HECTD2: variants seen among roughly 807,000 people sequenced by gnomAD.
The protein encoded by HECTD2 is probable E3 ubiquitin-protein ligase HECTD2.
A neutral mutation model predicts 103.2 loss-of-function variants in HECTD2; 35 were observed. That is an observed-to-expected ratio of 0.34 (90% CI 0.26 to 0.45). HECTD2 has a LOEUF of 0.45. HECTD2 is among the 20% of genes least tolerant of loss of function. The probability of loss-of-function intolerance (pLI) is 1.00; values close to 1 mark genes in which losing one functional copy is unlikely to be tolerated. For missense variants in HECTD2, 596 were observed against 937.4 expected (o/e 0.64, Z 4.76); for synonymous variants, 281 against 329.9 (o/e 0.85, Z 1.61).
rs138808828 is a variant in HECTD2 at position 91,482,987 on chromosome 10, A to G, written c.732A>G (p.Thr244=). 69 of 1,541,324 alleles carry G rather than the reference A, an allele frequency of 4.5e-5. No individual in the cohort carries two copies. Among genetic ancestry groups the G allele is most frequent in the Middle Eastern group, 3.4e-4 (2 of 5,924 alleles). The change falls in exon 8 of 21, where the codon ACA becomes ACG. Residue 244 remains threonine (T), a synonymous_variant. Coordinates refer to ENST00000298068, the MANE Select transcript of HECTD2 (RefSeq NM_182765.6). ...TTCAGAATCCTCAGTTTAATAACAC[A>G]TCTACGTATGTCATCTATGCTCACT... ...ILLQNPQFNN[T]STYVIYAHLL...
At chr10:91,474,032 A>G (rs1205343779) in intron 5 of HECTD2, among the ~76,000 whole-genome samples, 2 of 152,218 alleles carry the variant, frequency 1.3e-5, no homozygotes, top group East Asian at 1.9e-4. Context: ...AGATGGGAGA[A>G]TAACAACACA....
chr10:91,481,178 G>C (rs1846075132), intron 7 of HECTD2, 39 bp downstream of exon 7: 2 of 1,053,352 alleles, frequency 1.9e-6, no homozygotes. Context: ...GTCTAAGTCA[G>C]ATCTCAATCC....
chr10:91,496,183 T>TATG, intron 14 of HECTD2, 31 bp from the exon 15 acceptor site: 1 of 1,517,806 alleles, frequency 6.6e-7, no homozygotes, highest in African/African-American at 1.4e-5. Context: ...TCATGGATTT[T>TATG]ATGTTAATGC....
chr10:91,430,553 C>T (rs1843811170), intron 2 of HECTD2, among the ~76,000 whole-genome samples: 1 of 152,148 alleles, frequency 6.6e-6, no homozygotes, highest in South Asian at 2.1e-4. Context: ...TTTTATGAAT[C>T]TGGGTGCTCC....
chr10:91,409,713 C>G (rs1053608905), upstream of HECTD2, among the ~76,000 whole-genome samples: 5 of 152,174 alleles, frequency 3.3e-5, no homozygotes, highest in African/African-American at 1.2e-4. Flanking sequence ...GGTTGCTGAG[C>G]CAGGAAGGCT....
At chr10:91,416,336 T>A (rs1297113923) in intron 1 of HECTD2, among the ~76,000 whole-genome samples, 1 of 152,212 alleles carries the variant, frequency 6.6e-6, no homozygotes, top group Non-Finnish European at 1.5e-5. Flanking sequence ...GCACTCAGTG[T>A]TAGATGAGAT....
intron 2 of HECTD2, among the ~76,000 whole-genome samples, chr10:91,429,346 G>T (rs1211731558): frequency 1.3e-5 from 2 of 151,856 alleles, no homozygotes; most frequent in Non-Finnish European, 2.9e-5. Context: ...TCTCCTTTTT[G>T]GTTGTGTCTC....
chr10:91,487,911 AC>A lies in HECTD2; in HGVS notation c.1191+136del. 1.8e-6 allele frequency: 1 copy of A among 540,608 alleles called. No homozygotes were observed. Among genetic ancestry groups the A allele is most frequent in the Non-Finnish European group, 3.2e-6 (1 of 310,696 alleles). 33.5% of individuals were successfully genotyped at this position (540,608 alleles called of 1,614,324 possible). ...TAAAAGCAAAATTCGTGTTATACTC[AC>A]CCAAAAAGTGCTTAAAAACTATTTA... On this transcript the variant is annotated intron_variant, in intron 11 of 20. Coordinates refer to ENST00000298068, the MANE Select transcript of HECTD2 (RefSeq NM_182765.6). The surrounding 1 kb of genome is among the most constrained non-coding windows in gnomAD (Gnocchi z 4.1).
At chr10:91,475,411 G>T (rs1310271446) in intron 5 of HECTD2, among the ~76,000 whole-genome samples, 3 of 152,198 alleles carry the variant, frequency 2.0e-5, no homozygotes, top group Non-Finnish European at 4.4e-5. Context: ...CATTCGTGAA[G>T]GAGAGATCAA....
chr10:91,473,029 G>A (rs974043504), intron 5 of HECTD2, among the ~76,000 whole-genome samples: 1 of 152,118 alleles, frequency 6.6e-6, no homozygotes, highest in Non-Finnish European at 1.5e-5. Context: ...TGTATTTGGA[G>A]TCTAAAAATT....
At position 91,427,460 on chromosome 10, in the gene HECTD2, C is replaced by T. The variant is rs1013830018; in HGVS notation, c.268+2050C>T. On this transcript the variant is annotated intron_variant, in intron 2 of 20. Coordinates refer to ENST00000298068, the MANE Select transcript of HECTD2 (RefSeq NM_182765.6). ...CACAATGACTGAACTAGTTTACAGT[C>T]CCACCAACAGTGTAAGAGTGTTCCT... Among the ~76,000 whole-genome samples, 5 of 152,128 alleles carry T rather than the reference C, an allele frequency of 3.3e-5. No individual in the cohort carries two copies. The South Asian group carries it at 1.0e-3, about 32-fold the overall frequency.
At chr10:91,502,471 AG>A (rs1173562672) in intron 20 of HECTD2, among the ~76,000 whole-genome samples, 1 of 152,196 alleles carries the variant, frequency 6.6e-6, no homozygotes, top group Non-Finnish European at 1.5e-5. Flanking sequence ...TGAGTCATTT[AG>A]TTCTTCAAGA....
intron 2 of HECTD2, among the ~76,000 whole-genome samples, chr10:91,456,526 G>A (rs989504701): frequency 1.3e-5 from 2 of 152,078 alleles, no homozygotes; most frequent in Non-Finnish European, 2.9e-5. Context: ...CTGCAAACAC[G>A]GACAATTTGA....
intron 3 of HECTD2, 56 bp from the exon 4 acceptor site, chr10:91,461,198 A>G: frequency 1.3e-6 from 1 of 752,920 alleles, no homozygotes; most frequent in Non-Finnish European, 2.2e-6. Flanking sequence ...AAGTAATACT[A>G]GTTTATCTGA....
intron 1 of HECTD2, among the ~76,000 whole-genome samples, chr10:91,420,945 A>C (rs969316802): frequency 6.6e-6 from 1 of 152,180 alleles, no homozygotes; most frequent in Non-Finnish European, 1.5e-5. Flanking sequence ...TATGGGGACC[A>C]TGAGTGGGGC....
At position 91,460,470 on chromosome 10, in the gene HECTD2, GCGTACATCTATGGATGCATCA is replaced by G; in HGVS notation, c.313_333del (p.Arg105_Ser111del). On this transcript the variant is annotated inframe_deletion, in exon 3 of 21. Transcript: ENST00000298068. ...TTTGCCTTGATGTTAGACAAAAACAGCGTACATCTATGGATGCATCATCATCCGAAATGAAGGCCCCAGTCC... is the reference window on the plus strand; with the variant it reads ...TTTGCCTTGATGTTAGACAAAAACAGTCATCCGAAATGAAGGCCCCAGTCC... 1.2e-6 allele frequency: 2 copies of G among 1,611,768 alleles called. No individual in the cohort carries two copies. The highest frequency in any genetic ancestry group is 1.7e-6 in the Non-Finnish European group (2 of 1,178,762).
intron 1 of HECTD2, among the ~76,000 whole-genome samples, chr10:91,420,046 A>G (rs1843288212): frequency 1.3e-5 from 2 of 152,156 alleles, no homozygotes; most frequent in Admixed American, 1.3e-4. Flanking sequence ...GCACAAAATG[A>G]TGCCCGTTTT....
intron 18 of HECTD2, 133 bp from the exon 19 acceptor site, chr10:91,500,369 T>G: frequency 2.3e-6 from 1 of 439,364 alleles, no homozygotes. Context: ...AGAGTCGATT[T>G]TTCTTCAACA....
At chr10:91,507,951 CCT>C (rs1209933508) in intron 20 of HECTD2, among the ~76,000 whole-genome samples, 2 of 138,660 alleles carry the variant, frequency 1.4e-5, no homozygotes, top group African/African-American at 6.8e-5. Context: ...AGAACAGAGC[CCT>C]CAGAAATAAT....
Sources: gnomAD v4.1 joint callset for allele counts (sites outside exome capture counted in the v4.1 genomes callset) on GRCh38, gnomAD v4.1.1 for gene constraint, Gnocchi (gnomAD v3.1) non-coding constraint, MANE v1.5 for transcripts, NCBI Gene and HGNC (gene_info 2026-07-23, HGNC 2026-07-21) for gene names.